DNM2: variants seen among roughly 807,000 people sequenced by gnomAD.
The protein encoded by DNM2 is dynamin 2, also known as dynamin-2.
DNM2 carries 15 observed loss-of-function variants against 99.0 expected under a neutral mutation model. The observed-to-expected ratio is 0.15, with a 90% CI of 0.10 to 0.23. The LOEUF (loss-of-function observed/expected upper bound fraction) is 0.23, where lower values mean the gene tolerates loss of function less well. Among genes scored for constraint, DNM2 ranks in the 10% least tolerant of loss-of-function variants. The pLI, the probability that DNM2 is intolerant of heterozygous loss-of-function variation, is 1.00. For synonymous variants in DNM2, 525 were observed against 481.2 expected, an observed-to-expected ratio of 1.09 and a Z score of -1.19; for missense variants, 742 against 1,189.4, an observed-to-expected ratio of 0.62 and a Z score of 5.53.
intron 1 of DNM2, among the ~76,000 whole-genome samples, chr19:10,724,946 G>A (rs956560851): frequency 2.0e-5 from 3 of 152,336 alleles, no homozygotes; most frequent in South Asian, 2.1e-4. Flanking sequence ...GATGAGCCGC[G>A]GGGGCACTGC....
Position 10,830,947 on chromosome 19 carries a change from C to T in DNM2, c.2544-31C>T. The T allele has an allele frequency of 1.3e-6, 2 of 1,599,780 alleles. No homozygotes were observed. The highest frequency in any genetic ancestry group is 1.7e-6 in the Non-Finnish European group (2 of 1,173,092). ...TGCTCCCGGCCTCACTGCCGTCTCCCCCTCCCCACCTGTCTTTATTCTCTT... is the reference window on the plus strand; with the variant it reads ...TGCTCCCGGCCTCACTGCCGTCTCCTCCTCCCCACCTGTCTTTATTCTCTT... On this transcript the variant is annotated intron_variant, in intron 20 of 20. Coordinates refer to ENST00000389253, the MANE Select transcript of DNM2 (RefSeq NM_001005361.3). This position sits in a 1 kb window ranked among gnomAD's most constrained non-coding sequence, Gnocchi z 4.8.
At chr19:10,787,974 G>A (rs2071622084) in intron 7 of DNM2, among the ~76,000 whole-genome samples, 1 of 152,048 alleles carries the variant, frequency 6.6e-6, no homozygotes, top group African/African-American at 2.4e-5. Context: ...GCTTACGCCT[G>A]TAATCCCAAC....
chr19:10,749,802 C>A (rs2070130069), intron 1 of DNM2, among the ~76,000 whole-genome samples: 1 of 152,214 alleles, frequency 6.6e-6, no homozygotes, highest in African/African-American at 2.4e-5. Context: ...AGACCTTCAT[C>A]AGAGGCCGTT....
Position 10,755,756 on chromosome 19 carries a change from C to T in DNM2, c.162-3982C>T, listed in dbSNP as rs142890622. Reference sequence around the variant, plus strand: ...TCGGCTCACTACAATCTCCGCCTCCCGGGTTCAAGCCATTCTCGTGTCTTA... The same window carrying T: ...TCGGCTCACTACAATCTCCGCCTCCTGGGTTCAAGCCATTCTCGTGTCTTA... On this transcript the variant is annotated intron_variant, in intron 1 of 20. Transcript: ENST00000389253. Among the ~76,000 whole-genome samples the T allele has an allele frequency of 5.7e-3, 864 of 152,172 alleles. 13 individuals carry two copies. Among genetic ancestry groups the T allele is most frequent in the South Asian group, 0.039 (187 of 4,830 alleles).
At chr19:10,731,920 C>T (rs2069334473) in intron 1 of DNM2, among the ~76,000 whole-genome samples, 1 of 152,000 alleles carries the variant, frequency 6.6e-6, no homozygotes, top group Non-Finnish European at 1.5e-5. Flanking sequence ...GAATGTGCTC[C>T]CAGCACTGGG....
intron 1 of DNM2, among the ~76,000 whole-genome samples, chr19:10,726,770 G>A (rs1044739293): frequency 6.6e-6 from 1 of 151,958 alleles, no homozygotes; most frequent in Non-Finnish European, 1.5e-5. Flanking sequence ...AGGCTGAGGC[G>A]GAGAATCGCT....
intron 2 of DNM2, among the ~76,000 whole-genome samples, chr19:10,769,060 C>T (rs1267132215): frequency 1.3e-5 from 2 of 152,098 alleles, no homozygotes. Flanking sequence ...GCTGGGGGAA[C>T]GATGGCGCCC....
intron 10 of DNM2, 80 bp from the exon 11 acceptor site, chr19:10,798,406 C>T (rs2072016698): frequency 8.6e-7 from 1 of 1,164,704 alleles, no homozygotes; most frequent in African/African-American, 1.5e-5. Context: ...CCCCCCTCCG[C>T]ATTTTCTACC....
chr19:10,743,035 T>A (rs920104232), intron 1 of DNM2, among the ~76,000 whole-genome samples: 6 of 150,348 alleles, frequency 4.0e-5, no homozygotes, highest in African/African-American at 1.5e-4. Flanking sequence ...CACCTCAGCC[T>A]CTCAAGTAGC....
intron 15 of DNM2, 111 bp from the exon 16 acceptor site, chr19:10,819,869 G>T (rs2072916374): frequency 3.1e-6 from 3 of 964,632 alleles, no homozygotes; most frequent in Non-Finnish European, 5.1e-6. Context: ...GCAGCGACCA[G>T]CATTGAGAAG....
At position 10,795,511 on chromosome 19, in the gene DNM2, C is replaced by T; in HGVS notation, c.1196+72C>T. Reference sequence around the variant, plus strand: ...GCGACCCCCCAGCTAATTGGGTCACCCACACCTCTGAGTCCCTAATCGTTA... The same window carrying T: ...GCGACCCCCCAGCTAATTGGGTCACTCACACCTCTGAGTCCCTAATCGTTA... On this transcript the variant is annotated intron_variant, in intron 9 of 20. Transcript: ENST00000389253. This position sits in a 1 kb window ranked among gnomAD's most constrained non-coding sequence, Gnocchi z 4.2. The T allele has an allele frequency of 6.4e-7, 1 of 1,552,786 alleles. No homozygotes were observed. The highest frequency in any genetic ancestry group is 8.9e-7 in the Non-Finnish European group (1 of 1,125,992).
intron 2 of DNM2, among the ~76,000 whole-genome samples, chr19:10,769,767 G>A (rs2070916446): frequency 6.6e-6 from 1 of 151,976 alleles, no homozygotes; most frequent in Non-Finnish European, 1.5e-5. Flanking sequence ...GTGGGGGTGG[G>A]GATCCTGAAT....
In DNM2 at chr19:10,814,333, G is replaced by A. The variant is rs568666254; in HGVS notation, c.1671+1956G>A. ...TACAAAATTAATCTGGCGTGGTGGC[G>A]CATACCTGTAATCCCAGCTACTCAG... On this transcript the variant is annotated intron_variant, in intron 15 of 20. Transcript: ENST00000389253. 1.5e-3 allele frequency among the ~76,000 whole-genome samples: 221 copies of A among 152,076 alleles called. 6 individuals carry two copies. In the South Asian group the frequency reaches 0.044, roughly 30 times the overall value.
Position 10,795,494 on chromosome 19 carries a change from C to T in DNM2, c.1196+55C>T. 2 of 1,601,738 alleles carry T rather than the reference C, an allele frequency of 1.2e-6. No individual in the cohort carries two copies. The highest frequency in any genetic ancestry group is 1.7e-6 in the Non-Finnish European group (2 of 1,169,568). ...TCCTTCCTCTCCGTGGTGCGACCCC[C>T]CAGCTAATTGGGTCACCCACACCTC... On this transcript the variant is annotated intron_variant, in intron 9 of 20. Transcript: ENST00000389253. This position sits in a 1 kb window ranked among gnomAD's most constrained non-coding sequence, Gnocchi z 4.2.
Position 10,795,941 on chromosome 19 carries a change from C to G in DNM2, c.1196+502C>G. The G allele has an allele frequency of 6.5e-7, 1 of 1,546,386 alleles. No individual in the cohort carries two copies. The highest frequency in any genetic ancestry group is 8.8e-7 in the Non-Finnish European group (1 of 1,131,624). The stretch of plus-strand genomic sequence containing the variant: ...CGGGCAGTGGACTCAGGCATCCGAC[C>G]CCACACATGACACAACCTTCATTCC... On this transcript the variant is annotated intron_variant, in intron 9 of 20. Coordinates refer to ENST00000389253, the MANE Select transcript of DNM2 (RefSeq NM_001005361.3). The surrounding 1 kb of genome is among the most constrained non-coding windows in gnomAD (Gnocchi z 4.2).
chr19:10,784,794 G>A lies in DNM2; in HGVS notation c.849+1674G>A, dbSNP rs886410462. ...TCTTTTCTAGCTCGCCAGACACTTT[G>A]TATTTATTTTTTATTTTTTTGATGA... On this transcript the variant is annotated intron_variant, in intron 6 of 20. Coordinates refer to ENST00000389253, the MANE Select transcript of DNM2 (RefSeq NM_001005361.3). Among the ~76,000 whole-genome samples, 47 of 134,302 alleles carry A rather than the reference G, an allele frequency of 3.5e-4. No homozygotes were observed. In the East Asian group the frequency reaches 9.0e-3, roughly 26 times the overall value. 88.1% of individuals were successfully genotyped at this position (134,302 alleles called of 152,430 possible).
intron 11 of DNM2, among the ~76,000 whole-genome samples, chr19:10,801,553 G>C (rs1032444870): frequency 6.7e-6 from 1 of 149,918 alleles, no homozygotes; most frequent in Non-Finnish European, 1.5e-5. Context: ...AGGAGTTTGA[G>C]GCTATGATTG....
intron 1 of DNM2, among the ~76,000 whole-genome samples, chr19:10,741,527 C>T (rs2069746595): frequency 6.6e-6 from 1 of 151,764 alleles, no homozygotes; most frequent in Non-Finnish European, 1.5e-5. Flanking sequence ...CTGTGCTCAG[C>T]CCCAAATTGG....
intron 1 of DNM2, among the ~76,000 whole-genome samples, chr19:10,757,815 C>T (rs1420085027): frequency 2.0e-5 from 3 of 151,812 alleles, no homozygotes; most frequent in South Asian, 2.1e-4. Context: ...CATGGTAGCG[C>T]GTGCATGTAA....
Sources: gnomAD v4.1 joint callset for allele counts (sites outside exome capture counted in the v4.1 genomes callset) on GRCh38, gnomAD v4.1.1 for gene constraint, Gnocchi (gnomAD v3.1) non-coding constraint, MANE v1.5 for transcripts, NCBI Gene and HGNC (gene_info 2026-07-23, HGNC 2026-07-21) for gene names.